The following PPP1R1C variants were observed in gnomAD, a reference collection of about 807,000 sequenced individuals.
The protein encoded by PPP1R1C is protein phosphatase 1 regulatory inhibitor subunit 1C, also known as protein phosphatase 1 regulatory subunit 1C.
PPP1R1C carries 15 observed loss-of-function variants against 17.4 expected under a neutral mutation model. The ratio of observed to expected loss-of-function variants is 0.86; its 90% CI spans 0.58 to 1.33. The LOEUF (loss-of-function observed/expected upper bound fraction) is 1.33, where lower values mean the gene tolerates loss of function less well. PPP1R1C is among the 40% of genes most tolerant of loss of function. PPP1R1C has a pLI of 0.00. For missense variants in PPP1R1C, 143 were observed against 130.0 expected (o/e 1.10, Z -0.48); for synonymous variants, 35 against 43.1 (o/e 0.81, Z 0.73).
chr2:182,001,287 A>G (rs555861842), intron 2 of PPP1R1C, among the ~76,000 whole-genome samples: 1 of 152,246 alleles, frequency 6.6e-6, no homozygotes, highest in South Asian at 2.1e-4. Context: ...TGCATAGACA[A>G]TTTTGCATAA....
chr2:181,987,686 A>T, intron 1 of PPP1R1C, 153 bp from the exon 2 acceptor site: 2 of 675,148 alleles, frequency 3.0e-6, no homozygotes, highest in Non-Finnish European at 5.1e-6. Context: ...TATTATTTCA[A>T]AATAAAATTA....
At chr2:182,115,568 C>A (rs999872316) in intron 4 of PPP1R1C, among the ~76,000 whole-genome samples, 4 of 152,072 alleles carry the variant, frequency 2.6e-5, no homozygotes, top group Non-Finnish European at 1.5e-5. Context: ...TTAATAAACC[C>A]TCTTCCCTTT....
At chr2:181,981,586 CTT>C (rs2125137155), upstream of PPP1R1C, among the ~76,000 whole-genome samples, 1 of 152,272 alleles carries the variant, frequency 6.6e-6, no homozygotes, top group South Asian at 2.1e-4. Context: ...AGATAGGCCT[CTT>C]TGCCTCAATT....
At chr2:181,972,326 G>A (rs1186981096) in intron 1 of PPP1R1C, among the ~76,000 whole-genome samples, 1 of 152,238 alleles carries the variant, frequency 6.6e-6, no homozygotes, top group African/African-American at 2.4e-5. Context: ...AAGACAAAAT[G>A]TGTGATGTAC....
At chr2:182,116,252 G>A (rs1401394616) in intron 4 of PPP1R1C, among the ~76,000 whole-genome samples, 1 of 152,116 alleles carries the variant, frequency 6.6e-6, no homozygotes. Context: ...ACTGTGCCTG[G>A]GACTCCAAAT....
intron 2 of PPP1R1C, among the ~76,000 whole-genome samples, chr2:182,045,869 G>T (rs1026597121): frequency 6.6e-6 from 1 of 152,018 alleles, no homozygotes; most frequent in African/African-American, 2.4e-5. Context: ...AAGTAGAAAA[G>T]CTTCAAAATT....
chr2:181,961,270 A>T lies in PPP1R1C; in HGVS notation n.111+6636A>T. ...CTTTGCGGCGGGTGGTGGTCTTTGG[A>T]TGGTTTGCATGGAGTTGCTGTTGTC... On this transcript the variant is annotated intron_variant and non_coding_transcript_variant, in intron 1 of 5. Coordinates refer to the PPP1R1C transcript ENST00000464264. The surrounding 1 kb of genome is among the most constrained non-coding windows in gnomAD (Gnocchi z 5.8). 1.3e-6 allele frequency: 1 copy of T among 753,448 alleles called. No individual in the cohort carries two copies. The highest frequency in any genetic ancestry group is 1.4e-5 in the South Asian group (1 of 71,124). 46.7% of individuals were successfully genotyped at this position (753,448 alleles called of 1,614,324 possible). A position where few individuals can be genotyped will look rare whatever the true frequency, so the allele number is the denominator to read the frequency against.
intron 4 of PPP1R1C, among the ~76,000 whole-genome samples, chr2:182,100,077 A>G (rs1001060877): frequency 1.3e-5 from 2 of 152,218 alleles, no homozygotes; most frequent in Admixed American, 6.5e-5. Flanking sequence ...CCTGAGATAA[A>G]ATGAAATATT....
intron 1 of PPP1R1C, among the ~76,000 whole-genome samples, chr2:181,965,573 G>A (rs1684891177): frequency 6.6e-6 from 1 of 152,138 alleles, no homozygotes. Context: ...CTCAATGTAT[G>A]TTCTTGACAT....
intron 2 of PPP1R1C, among the ~76,000 whole-genome samples, chr2:182,006,298 G>A (rs2125152445): frequency 6.6e-6 from 1 of 152,226 alleles, no homozygotes; most frequent in African/African-American, 2.4e-5. Context: ...CATACACTTT[G>A]ATCTTCACTA....
intron 4 of PPP1R1C, among the ~76,000 whole-genome samples, chr2:182,086,818 A>G (rs1181809356): frequency 6.6e-6 from 1 of 152,122 alleles, no homozygotes; most frequent in African/African-American, 2.4e-5. Context: ...CTGTCTGTGT[A>G]AGACCTGCTA....
chr2:182,023,630 T>A (rs1686500428), intron 2 of PPP1R1C, among the ~76,000 whole-genome samples: 1 of 149,542 alleles, frequency 6.7e-6, no homozygotes, highest in Non-Finnish European at 1.5e-5. Context: ...AATTATTGAT[T>A]TTTTTTTAAG....
intron 2 of PPP1R1C, among the ~76,000 whole-genome samples, chr2:182,050,856 A>G (rs1484325771): frequency 3.3e-5 from 5 of 152,230 alleles, no homozygotes; most frequent in Non-Finnish European, 4.4e-5. Context: ...TACTCTGCAT[A>G]CATTTCCTAG....
chr2:182,020,501 T>C (rs1686387640), intron 2 of PPP1R1C, among the ~76,000 whole-genome samples: 2 of 152,158 alleles, frequency 1.3e-5, no homozygotes, highest in Admixed American at 1.3e-4. Flanking sequence ...AATAAGTCGT[T>C]CCCTAGAGGC....
chr2:182,109,018 T>A (rs1689338244), intron 4 of PPP1R1C, among the ~76,000 whole-genome samples: 1 of 152,196 alleles, frequency 6.6e-6, no homozygotes, highest in Non-Finnish European at 1.5e-5. Context: ...TTTTGTCAGG[T>A]GTTGTCAGTG....
chr2:182,090,255 A>G (rs1365987422), intron 4 of PPP1R1C, among the ~76,000 whole-genome samples: 1 of 150,364 alleles, frequency 6.7e-6, no homozygotes, highest in Non-Finnish European at 1.5e-5. Flanking sequence ...ATTATGTCAA[A>G]CTACAGTTAA....
chr2:182,015,456 A>C (rs964495863), intron 2 of PPP1R1C, among the ~76,000 whole-genome samples: 3 of 152,138 alleles, frequency 2.0e-5, no homozygotes, highest in Admixed American at 6.5e-5. Context: ...AGCAGTGTGC[A>C]AATGGACTAA....
chr2:182,017,667 T>C (rs1388115850), intron 2 of PPP1R1C, among the ~76,000 whole-genome samples: 1 of 152,124 alleles, frequency 6.6e-6, no homozygotes, highest in African/African-American at 2.4e-5. Context: ...AAGAAAACAA[T>C]TTATTCTGTG....
intron 4 of PPP1R1C, among the ~76,000 whole-genome samples, chr2:182,092,921 T>A (rs1018476539): frequency 2.6e-5 from 4 of 152,200 alleles, no homozygotes; most frequent in African/African-American, 9.6e-5. Flanking sequence ...CAATGCAAGC[T>A]GTCAGTGGAT....
Sources: allele counts gnomAD v4.1 joint callset (sites outside exome capture counted in the v4.1 genomes callset), GRCh38; gene constraint gnomAD v4.1.1; non-coding constraint Gnocchi (gnomAD v3.1); transcripts MANE v1.5; gene names NCBI Gene and HGNC (gene_info 2026-07-23, HGNC 2026-07-21).